AQR: variants seen among roughly 807,000 people sequenced by gnomAD.
AQR encodes the protein aquarius intron-binding spliceosomal factor, also known as RNA helicase aquarius.
A neutral mutation model predicts 180.5 loss-of-function variants in AQR; 61 were observed. That is an observed-to-expected ratio of 0.34 (90% CI 0.28 to 0.42). The LOEUF (loss-of-function observed/expected upper bound fraction) is 0.42. Among genes scored for constraint, AQR ranks in the 10% least tolerant of loss-of-function variants. The pLI is 1.00. For missense variants in AQR, 1,281 were observed against 1,798.3 expected (o/e 0.71, Z 5.20); for synonymous variants, 551 against 588.8 (o/e 0.94, Z 0.93).
chr15:34,897,113 T>C (rs1893257536), intron 21 of AQR, 147 bp from the exon 22 acceptor site: 7 of 649,538 alleles, frequency 1.1e-5, no homozygotes, highest in Non-Finnish European at 1.6e-5. Flanking sequence ...CCTTCACCTC[T>C]ACCCCTCAAC....
chr15:34,862,297 G>A (rs1325517598), intron 33 of AQR, among the ~76,000 whole-genome samples: 1 of 152,104 alleles, frequency 6.6e-6, no homozygotes, highest in Admixed American at 6.5e-5. Context: ...ACAGTATAAT[G>A]ATAAATAACA....
intron 19 of AQR, 101 bp from the exon 20 acceptor site, chr15:34,900,964 G>A (rs1242915570): frequency 7.0e-6 from 10 of 1,438,224 alleles, no homozygotes; most frequent in South Asian, 3.0e-5. Flanking sequence ...GAATTCCCGA[G>A]TGTTTCAGAG....
chr15:34,893,599 G>T, intron 23 of AQR, 64 bp downstream of exon 23: 2 of 1,361,294 alleles, frequency 1.5e-6, no homozygotes, highest in Non-Finnish European at 2.1e-6. Context: ...ATGTGCATGC[G>T]CATGCGTGCA....
intron 17 of AQR, among the ~76,000 whole-genome samples, chr15:34,907,787 C>G (rs1337516560): frequency 1.3e-5 from 2 of 152,218 alleles, no homozygotes; most frequent in Non-Finnish European, 2.9e-5. Context: ...CTCATTAAAA[C>G]TTCTAAGTCT....
chr15:34,898,142 C>G (rs1030961826), intron 20 of AQR, among the ~76,000 whole-genome samples: 6 of 152,064 alleles, frequency 3.9e-5, no homozygotes, highest in Non-Finnish European at 7.4e-5. Context: ...CGTATTTCGC[C>G]TGGGCATAGG....
At chr15:34,951,094 C>T (rs566469914) in intron 4 of AQR, among the ~76,000 whole-genome samples, 1 of 152,250 alleles carries the variant, frequency 6.6e-6, no homozygotes, top group East Asian at 1.9e-4. Context: ...ACTTCCTGAT[C>T]CTATTTCAGC....
intron 18 of AQR, among the ~76,000 whole-genome samples, chr15:34,905,795 T>C (rs563120779): frequency 1.6e-4 from 25 of 152,208 alleles, no homozygotes; most frequent in Admixed American, 9.2e-4. Flanking sequence ...TTAAAAAGCT[T>C]TGAATAAAGA....
intron 18 of AQR, among the ~76,000 whole-genome samples, chr15:34,905,764 T>A (rs12324708): frequency 0.019 from 2,700 of 143,998 alleles, 71 homozygotes; most frequent in African/African-American, 0.06. Flanking sequence ...TTAAAAAAAA[T>A]ATGGTAAAGT....
At chr15:34,880,725 C>T (rs539755517) in intron 27 of AQR, among the ~76,000 whole-genome samples, 11 of 152,156 alleles carry the variant, frequency 7.2e-5, no homozygotes, top group East Asian at 3.9e-4. Flanking sequence ...GAAAGGTGCA[C>T]GCACACATGC....
intron 29 of AQR, 122 bp downstream of exon 29, chr15:34,874,554 TG>T: frequency 8.5e-7 from 1 of 1,182,280 alleles, no homozygotes. Flanking sequence ...TTTGGATTTA[TG>T]GATAGCCAAG....
At chr15:34,898,222 A>T (rs1043710519) in intron 20 of AQR, among the ~76,000 whole-genome samples, 7 of 152,210 alleles carry the variant, frequency 4.6e-5, no homozygotes, top group African/African-American at 1.7e-4. Context: ...CATGTCTAGA[A>T]TATGAAGCTT....
chr15:34,943,398 G>T, intron 6 of AQR: 2 of 1,222,020 alleles, frequency 1.6e-6, no homozygotes. Context: ...TCAGTTCTAA[G>T]TGTCATCTTT....
At chr15:34,900,497 G>A (rs1214072504) in intron 20 of AQR, 125 bp downstream of exon 20, 8 of 1,144,686 alleles carry the variant, frequency 7.0e-6, no homozygotes, top group South Asian at 1.7e-5. Flanking sequence ...GTATGGTGAA[G>A]GTAGGGACTG....
intron 17 of AQR, among the ~76,000 whole-genome samples, chr15:34,908,024 T>C (rs1893445068): frequency 6.6e-6 from 1 of 152,202 alleles, no homozygotes; most frequent in Admixed American, 6.5e-5. Flanking sequence ...GCATTTCCAT[T>C]TCATGAATTC....
chr15:34,950,084 CTTTTTTTTTTT>C (rs1174370425), intron 4 of AQR, among the ~76,000 whole-genome samples: 1 of 74,058 alleles, frequency 1.4e-5, no homozygotes, highest in Non-Finnish European at 2.3e-5. Flanking sequence ...TGCTATTTTC[CTTTTTTTTTTT>C]TTTTTTTTTT....
intron 2 of AQR, among the ~76,000 whole-genome samples, chr15:34,962,517 C>T (rs1042803900): frequency 6.6e-6 from 1 of 151,912 alleles, no homozygotes; most frequent in Non-Finnish European, 1.5e-5. Flanking sequence ...GCCTGTAATC[C>T]CACCACTTTG....
At position 34,938,058 on chromosome 15, in the gene AQR, G is replaced by A. The variant is rs187579229; in HGVS notation, c.718+679C>T. Among the ~76,000 whole-genome samples, 9 of 151,378 alleles carry A rather than the reference G, an allele frequency of 5.9e-5. No individual in the cohort carries two copies. In the East Asian group the frequency reaches 7.7e-4, roughly 13 times the overall value. On this transcript the variant is annotated intron_variant, in intron 9 of 34. Coordinates refer to ENST00000156471, the MANE Select transcript of AQR (RefSeq NM_014691.3). ...AATATTTCTCCTTTTTTCCTCCAAC[G>A]GTATCAATAGGACTTAAAAACACTA...
intron 18 of AQR, among the ~76,000 whole-genome samples, chr15:34,906,242 G>A (rs905460152): frequency 5.3e-5 from 8 of 151,938 alleles, no homozygotes; most frequent in Non-Finnish European, 1.0e-4. Flanking sequence ...ATGGTCGCAC[G>A]TGCCTATGGT....
In AQR at chr15:34,930,281, A is replaced by G. The variant is rs568716580; in HGVS notation, c.991T>C (p.Tyr331His). Residue 331 changes from tyrosine to histidine, a missense_variant, in exon 12 of 35, where the codon TAT becomes CAT. Physicochemically the swap from Tyr to His is moderately conservative, Grantham distance 83. Around this residue, in one of 9 missense-constraint regions of AQR, gnomAD observed 404 missense variants for 490.9 expected, o/e 0.82. Transcript: ENST00000156471. ...LTENEMTTIH[Y>H]DRITSLQRAA... The stretch of plus-strand genomic sequence containing the variant: ...ACCTGTAGAGAAGTAATTCTATCAT[A>G]GTGAATTGTGGTCATCTCATTCTCT... 4.7e-5 allele frequency: 75 copies of G among 1,599,568 alleles called. 2 individuals are homozygous for G. The South Asian group carries it at 8.0e-4, about 17-fold the overall frequency.
Sources: gnomAD v4.1 joint callset for allele counts (sites outside exome capture counted in the v4.1 genomes callset) on GRCh38, gnomAD v4.1.1 for gene constraint, gnomAD v4.1.1 regional missense constraint, MANE v1.5 for transcripts, NCBI Gene and HGNC (gene_info 2026-07-23, HGNC 2026-07-21) for gene names.